Variants in MYH7B observed in about 807,000 individuals in gnomAD.
MYH7B encodes the protein myosin heavy chain 7B, also known as myosin-7B.
A neutral mutation model predicts 234.5 loss-of-function variants in MYH7B; 205 were observed. The observed-to-expected ratio is 0.87, with a 90% CI of 0.78 to 0.98. MYH7B has a LOEUF of 0.98. Ranked by LOEUF, MYH7B falls within the 50% of genes least tolerant of loss-of-function variation. MYH7B has a pLI of 0.00. For synonymous variants in MYH7B, 1,193 were observed against 1,105.0 expected (o/e 1.08, Z -1.58); for missense variants, 2,652 against 2,633.4 (o/e 1.01, Z -0.15).
intron 26 of MYH7B, among the ~76,000 whole-genome samples, chr20:34,993,765 A>G (rs111877344): frequency 6.6e-6 from 1 of 152,220 alleles, no homozygotes; most frequent in Non-Finnish European, 1.5e-5. Flanking sequence ...CTTTCTCTGC[A>G]TTATCCTGGT....
chr20:34,997,430 G>C (rs750078232), exon 32 of MYH7B: 1 of 1,475,036 alleles, frequency 6.8e-7, no homozygotes, highest in African/African-American at 1.5e-5. Context: ...CGGAGCTGGG[G>C]AGGCTGCGGC....
chr20:34,979,279 G>C, intron 5 of MYH7B, 111 bp from the exon 6 acceptor site: 1 of 782,780 alleles, frequency 1.3e-6, no homozygotes, highest in South Asian at 2.0e-5. Flanking sequence ...TCCTGGCAGA[G>C]GGGCTTTGGG....
intron 10 of MYH7B, among the ~76,000 whole-genome samples, chr20:34,983,197 C>T (rs2081964046): frequency 6.6e-6 from 1 of 152,118 alleles, no homozygotes; most frequent in Admixed American, 6.5e-5. Flanking sequence ...TGCTCCTGGT[C>T]CTGTTAAGCC....
chr20:34,991,219 G>A (rs1453059982), intron 24 of MYH7B, 98 bp downstream of exon 24: 4 of 863,842 alleles, frequency 4.6e-6, no homozygotes, highest in Admixed American at 2.7e-5. Flanking sequence ...CCCCTGTCTG[G>A]AGGGGGAAGC....
exon 43 of MYH7B, chr20:35,001,466 G>A: frequency 1.2e-6 from 2 of 1,609,554 alleles, no homozygotes; most frequent in Non-Finnish European, 1.7e-6. Context: ...CTCGCATGCA[G>A]GACCTGGTGG....
At chr20:34,979,983 T>G (rs1600421922) in intron 7 of MYH7B, 179 bp downstream of exon 7, 44 of 342,572 alleles carry the variant, frequency 1.3e-4, no homozygotes, top group South Asian at 2.3e-4. Context: ...GGCGGGGCTC[T>G]GAGCAGTGGG....
exon 8 of MYH7B, chr20:34,980,711 A>G (rs367559910): frequency 8.7e-6 from 14 of 1,614,134 alleles, no homozygotes; most frequent in Non-Finnish European, 1.2e-5. Context: ...GTGGCGGACA[A>G]CGCCTACAAC....
intron 28 of MYH7B, 76 bp downstream of exon 28, chr20:34,995,654 C>A: frequency 6.3e-7 from 1 of 1,579,972 alleles, no homozygotes; most frequent in South Asian, 1.1e-5. Flanking sequence ...GCAGGTCCCA[C>A]CCCGGCTCTG....
At chr20:34,999,477 C>T in intron 36 of MYH7B, 72 bp downstream of exon 36, 5 of 1,526,396 alleles carry the variant, frequency 3.3e-6, no homozygotes, top group Non-Finnish European at 4.4e-6. Flanking sequence ...TGGGGGTGCC[C>T]TGGTGGGGCC....
exon 12 of MYH7B, chr20:34,984,877 C>G (rs754228445): frequency 1.2e-6 from 2 of 1,614,050 alleles, no homozygotes; most frequent in South Asian, 1.1e-5. Flanking sequence ...ATCAAATCAT[C>G]GAGGCCAACC....
At chr20:34,982,231 C>T (rs1318149945) in intron 9 of MYH7B, among the ~76,000 whole-genome samples, 5 of 152,202 alleles carry the variant, frequency 3.3e-5, no homozygotes, top group Admixed American at 6.5e-5. Flanking sequence ...AGTAAAGTGC[C>T]GGGCACTGAG....
intron 19 of MYH7B, 40 bp from the exon 20 acceptor site, chr20:34,989,700 C>A: frequency 1.3e-6 from 2 of 1,592,364 alleles, no homozygotes; most frequent in Non-Finnish European, 1.7e-6. Flanking sequence ...CCAGGATGGA[C>A]TGGCTTGATG....
chr20:34,998,270 CCT>C (rs761234932), intron 32 of MYH7B, 23 bp from the exon 33 acceptor site: 19 of 1,612,580 alleles, frequency 1.2e-5, no homozygotes, highest in Admixed American at 6.7e-5. Context: ...ACTCCTGACC[CCT>C]GACTCCCAAC....
chr20:34,962,902 A>G (rs2081711374), intron 2 of MYH7B, among the ~76,000 whole-genome samples: 1 of 152,256 alleles, frequency 6.6e-6, no homozygotes, highest in South Asian at 2.1e-4. Context: ...GTTCGAGACC[A>G]GCCTGGCCAA....
intron 2 of MYH7B, among the ~76,000 whole-genome samples, chr20:34,959,722 C>T (rs1260730149): frequency 6.6e-6 from 1 of 152,162 alleles, no homozygotes; most frequent in Non-Finnish European, 1.5e-5. Flanking sequence ...CGTGATCTGC[C>T]TGCCTCAGCC....
At chr20:34,972,736 C>T (rs2081804029) in intron 2 of MYH7B, among the ~76,000 whole-genome samples, 1 of 152,106 alleles carries the variant, frequency 6.6e-6, no homozygotes, top group Non-Finnish European at 1.5e-5. Context: ...ATCAAGCAAT[C>T]CTCTCGCCTC....
intron 2 of MYH7B, among the ~76,000 whole-genome samples, chr20:34,958,440 T>A (rs1311188062): frequency 6.6e-6 from 1 of 152,198 alleles, no homozygotes; most frequent in Non-Finnish European, 1.5e-5. Flanking sequence ...CCCTGGAGGC[T>A]GCCCCACCCT....
chr20:34,997,212 G>T, intron 31 of MYH7B, 39 bp downstream of exon 31: 1 of 1,553,330 alleles, frequency 6.4e-7, no homozygotes, highest in African/African-American at 1.4e-5. Context: ...GGGGTCAGAG[G>T]CCCACAGAGG....
Position 35,001,264 on chromosome 20 carries a change from A to G in MYH7B, c.5495A>G (p.Glu1832Gly), listed in dbSNP as rs1426224395. 3.6e-5 allele frequency: 58 copies of G among 1,611,324 alleles called. No homozygotes were observed. Among genetic ancestry groups the G allele is most frequent in the Non-Finnish European group, 4.9e-5 (58 of 1,178,464 alleles). The change falls in exon 42 of 45, where the codon GAG (glutamate) becomes GGG (glycine). Residue 1832 changes from glutamate to glycine, a missense_variant. Physicochemically the swap from Glu to Gly is moderately conservative, Grantham distance 98. This residue lies in a region of MYH7B where 2,279 missense variants were observed against 2,211.4 expected (regional missense o/e 1.03). Coordinates refer to ENST00000262873, the Ensembl canonical transcript of MYH7B. ...CTGCAGGTACGGGAGCTGGAGGCTG[A>G]GCTTGATGCAGAGCAGAAGAAGCAC...
Sources: allele counts gnomAD v4.1 joint callset (sites outside exome capture counted in the v4.1 genomes callset), GRCh38; gene constraint gnomAD v4.1.1; regional missense constraint gnomAD v4.1.1; transcripts MANE v1.5; gene names NCBI Gene and HGNC (gene_info 2026-07-23, HGNC 2026-07-21).